The following OTUD7B variants were observed in gnomAD, a reference collection of about 807,000 sequenced individuals.
OTUD7B encodes the protein OTU deubiquitinase 7B, also known as OTU domain-containing protein 7B.
OTUD7B carries 34 observed loss-of-function variants against 82.2 expected under a neutral mutation model. The observed-to-expected ratio is 0.41, with a 90% CI of 0.31 to 0.55. OTUD7B has a LOEUF of 0.55. Among genes scored for constraint, OTUD7B ranks in the 20% least tolerant of loss-of-function variants. The pLI is 0.20. For missense variants in OTUD7B, 944 were observed against 1,062.1 expected (o/e 0.89, Z 1.55); for synonymous variants, 398 against 402.7 (o/e 0.99, Z 0.14).
chr1:150,038,213 A>G, the OTUD7B span, among the ~76,000 whole-genome samples: 861 of 152,098 alleles, frequency 5.7e-3, 13 homozygotes, highest in African/African-American at 0.02. Context: ...ACACATTTAA[A>G]TGAGTTATTT....
chr1:149,957,690 C>A (rs1553774840), intron 7 of OTUD7B, among the ~76,000 whole-genome samples: 1 of 152,194 alleles, frequency 6.6e-6, no homozygotes, highest in Admixed American at 6.5e-5. Flanking sequence ...CCACCCAGTT[C>A]GAGCTTCCCG....
chr1:149,969,122 G>A (rs1302271865), intron 3 of OTUD7B, among the ~76,000 whole-genome samples: 10 of 152,178 alleles, frequency 6.6e-5, no homozygotes, highest in South Asian at 2.1e-4. Context: ...CCAGGAATTC[G>A]AGACCACCTG....
At chr1:149,975,253 G>T (rs1650228751) in intron 2 of OTUD7B, among the ~76,000 whole-genome samples, 1 of 152,084 alleles carries the variant, frequency 6.6e-6, no homozygotes, top group Admixed American at 6.5e-5. Flanking sequence ...CTAAGTTAGG[G>T]TTCTTTCTTC....
Position 149,946,968 on chromosome 1 carries a change from G to A in OTUD7B, c.1323+283C>T, listed in dbSNP as rs1302550848. The stretch of plus-strand genomic sequence containing the variant: ...CTCAGGAGGCTGAGGCAGGAGAATC[G>A]CTTGAACCCAGGAGGCGGAGGTTGC... On this transcript the variant is annotated intron_variant, in intron 11 of 11. Coordinates refer to ENST00000581312, the MANE Select transcript of OTUD7B (RefSeq NM_020205.4). 3.3e-5 allele frequency among the ~76,000 whole-genome samples: 5 copies of A among 151,672 alleles called. No individual in the cohort carries two copies. The East Asian group carries it at 7.8e-4, about 24-fold the overall frequency.
chr1:149,972,674 T>C (rs1406480494), intron 2 of OTUD7B, among the ~76,000 whole-genome samples: 3 of 152,234 alleles, frequency 2.0e-5, no homozygotes, highest in Non-Finnish European at 4.4e-5. Context: ...CAGGTATTTT[T>C]GTTTGTTTTG....
intron 2 of OTUD7B, among the ~76,000 whole-genome samples, chr1:149,976,130 G>C (rs1371160652): frequency 6.6e-6 from 1 of 152,148 alleles, no homozygotes; most frequent in African/African-American, 2.4e-5. Flanking sequence ...CTCACGGGTA[G>C]CCAAGCAAAT....
the OTUD7B span, among the ~76,000 whole-genome samples, chr1:150,063,132 T>C: frequency 1.4e-4 from 22 of 152,218 alleles, no homozygotes; most frequent in Non-Finnish European, 1.8e-4. Context: ...GGTCTCTGAG[T>C]ATATTACCTG....
the OTUD7B span, among the ~76,000 whole-genome samples, chr1:150,062,522 C>G: frequency 6.6e-6 from 1 of 152,062 alleles, no homozygotes; most frequent in African/African-American, 2.4e-5. Flanking sequence ...TTCTTTTCTA[C>G]CTGTGTTAGC....
the OTUD7B span, chr1:150,054,577 G>A: frequency 2.4e-6 from 1 of 413,340 alleles, no homozygotes; most frequent in South Asian, 1.8e-5. Flanking sequence ...GGAGGCCAAA[G>A]CAGGCAAATC....
chr1:149,990,854 G>A (rs1651517555), intron 1 of OTUD7B, among the ~76,000 whole-genome samples: 1 of 152,106 alleles, frequency 6.6e-6, no homozygotes, highest in Admixed American at 6.5e-5. Context: ...AGCCAGGCAT[G>A]GTGGCACATG....
chr1:150,034,018 C>G, the OTUD7B span, among the ~76,000 whole-genome samples: 1 of 152,106 alleles, frequency 6.6e-6, no homozygotes, highest in Admixed American at 6.6e-5. Flanking sequence ...CCGCACCCAG[C>G]CTAATAATAT....
At chr1:149,994,876 C>G (rs1651825846) in intron 1 of OTUD7B, among the ~76,000 whole-genome samples, 1 of 152,176 alleles carries the variant, frequency 6.6e-6, no homozygotes, top group Non-Finnish European at 1.5e-5. Context: ...ATGCAAACAT[C>G]ACAGAAAAAA....
At chr1:149,968,782 C>T (rs1318423948) in intron 3 of OTUD7B, among the ~76,000 whole-genome samples, 2 of 152,190 alleles carry the variant, frequency 1.3e-5, no homozygotes, top group Non-Finnish European at 2.9e-5. Context: ...GCAGTCTCGG[C>T]TCACTGCAAC....
the OTUD7B span, among the ~76,000 whole-genome samples, chr1:150,040,961 C>T: frequency 2.0e-5 from 3 of 152,076 alleles, no homozygotes; most frequent in Non-Finnish European, 2.9e-5. Flanking sequence ...CTGCCCTCCT[C>T]GGCCTCCCAA....
At chr1:150,031,384 C>T in the OTUD7B span, among the ~76,000 whole-genome samples, 1 of 152,222 alleles carries the variant, frequency 6.6e-6, no homozygotes, top group Non-Finnish European at 1.5e-5. Flanking sequence ...TTTACCTGTC[C>T]TATTTTTTAT....
chr1:149,945,956 A>T (rs1553771974), intron 11 of OTUD7B, among the ~76,000 whole-genome samples: 1 of 152,046 alleles, frequency 6.6e-6, no homozygotes, highest in Non-Finnish European at 1.5e-5. Context: ...GCTACTCAGG[A>T]GGCTGAGGCA....
chr1:149,992,225 A>C (rs1355457603), intron 1 of OTUD7B, among the ~76,000 whole-genome samples: 1 of 152,160 alleles, frequency 6.6e-6, no homozygotes, highest in Non-Finnish European at 1.5e-5. Context: ...CTCCGTCTCA[A>C]AATAAGAAAA....
Position 149,964,259 on chromosome 1 carries a change from CT to C in OTUD7B, c.694del (p.Arg232GlyfsTer30). The C allele has an allele frequency of 6.2e-7, 1 of 1,613,906 alleles. No homozygotes were observed. The part of the protein sequence containing the change: ...EKGVEKEALK[R>X]RWRWQQTQQN... ...CTGTGTCTGCTGCCACCTCCAGCGC[CT>C]TTTCAACGCTTCCTTCTCAACTCCC... On this transcript the variant is annotated frameshift_variant, in exon 6 of 12. Coordinates refer to ENST00000581312, the MANE Select transcript of OTUD7B (RefSeq NM_020205.4). LOFTEE classifies it high-confidence loss of function.
the OTUD7B span, among the ~76,000 whole-genome samples, chr1:150,047,044 C>G: frequency 2.0e-5 from 3 of 152,010 alleles, no homozygotes; most frequent in Non-Finnish European, 4.4e-5. Flanking sequence ...GCACTCTAGC[C>G]TGGGCGACAG....
Sources: gnomAD v4.1 joint callset for allele counts (sites outside exome capture counted in the v4.1 genomes callset) on GRCh38, gnomAD v4.1.1 for gene constraint, MANE v1.5 for transcripts, NCBI Gene and HGNC (gene_info 2026-07-23, HGNC 2026-07-21) for gene names.